Variants in NOLC1 observed in about 807,000 individuals in gnomAD.
NOLC1 encodes the protein 140 kDa nucleolar phosphoprotein.
NOLC1 carries 37 observed loss-of-function variants against 73.4 expected under a neutral mutation model. That is an observed-to-expected ratio of 0.50 (90% CI 0.39 to 0.66). NOLC1 has a LOEUF of 0.66. Among genes scored for constraint, NOLC1 ranks in the 30% least tolerant of loss-of-function variants. The pLI is 0.00. For missense variants in NOLC1, 921 were observed against 838.9 expected (o/e 1.10, Z -1.21); for synonymous variants, 327 against 302.6 (o/e 1.08, Z -0.84).
At chr10:102,154,135 G>A (rs369444696) in intron 1 of NOLC1, among the ~76,000 whole-genome samples, 13 of 145,826 alleles carry the variant, frequency 8.9e-5, no homozygotes, top group Non-Finnish European at 1.5e-4. Flanking sequence ...GCAGTGGCAC[G>A]ATCTCAGCTC....
At chr10:102,157,652 A>G in intron 4 of NOLC1, 97 bp downstream of exon 4, 2 of 1,355,036 alleles carry the variant, frequency 1.5e-6, no homozygotes, top group Non-Finnish European at 2.0e-6. Context: ...GATGGCGGCA[A>G]TACAATAGGT....
intron 1 of NOLC1, among the ~76,000 whole-genome samples, 185 bp downstream of exon 1, chr10:102,152,715 T>C (rs2069526783): frequency 6.6e-6 from 1 of 152,220 alleles, no homozygotes; most frequent in Non-Finnish European, 1.5e-5. Context: ...CCTTCCTCCA[T>C]GTCTGAGTAG....
chr10:102,162,098 C>T lies in NOLC1; in HGVS notation c.1942-13C>T, dbSNP rs1179141655. 4 of 1,613,018 alleles carry T rather than the reference C, an allele frequency of 2.5e-6. No individual in the cohort carries two copies. Among genetic ancestry groups the T allele is most frequent in the East Asian group, 2.2e-5 (1 of 44,888 alleles). ...GGTCCTCCTCTGTGTTAATCTCCCT[C>T]TCTACTTACCAGCGAGGTGCAGCCG... On this transcript the variant is annotated splice_polypyrimidine_tract_variant and intron_variant, in intron 12 of 12. Transcript: ENST00000605788.
At chr10:102,155,517 ATT>A (rs147766613) in intron 1 of NOLC1, among the ~76,000 whole-genome samples, 4 of 133,952 alleles carry the variant, frequency 3.0e-5, no homozygotes, top group Admixed American at 7.4e-5. Context: ...GCCTGAATGC[ATT>A]TTTTTTTTTT....
rs754632437 is a variant in NOLC1 at position 102,161,634 on chromosome 10, C to T, written c.1820C>T (p.Thr607Ile). ...TPQAKKIKLQ[T>I]PNTFPKRKKG... Reference sequence around the variant, plus strand: ...CAGGCCAAGAAGATAAAGCTTCAGACCCCTAACACATTTCCAAAAAGGAAG... The same window carrying T: ...CAGGCCAAGAAGATAAAGCTTCAGATCCCTAACACATTTCCAAAAAGGAAG... The change falls in exon 11 of 13, where the codon ACC becomes ATC. Residue 607 changes from threonine to isoleucine, a missense_variant. Physicochemically the swap from Thr to Ile is moderately conservative, Grantham distance 89. Coordinates refer to ENST00000605788, the MANE Select transcript of NOLC1 (RefSeq NM_004741.5). 1 of 1,613,882 alleles carries T rather than the reference C, an allele frequency of 6.2e-7. No individual in the cohort carries two copies. The highest frequency in any genetic ancestry group is 1.7e-5 in the Admixed American group (1 of 60,000).
intron 10 of NOLC1, 119 bp from the exon 11 acceptor site, chr10:102,161,437 G>T (rs1332054891): frequency 5.5e-6 from 4 of 725,452 alleles, no homozygotes; most frequent in Middle Eastern, 3.8e-4. Flanking sequence ...TCACTATATT[G>T]CCCAGGCTGA....
chr10:102,158,243 C>A, intron 5 of NOLC1, 29 bp downstream of exon 5: 2 of 1,608,172 alleles, frequency 1.2e-6, no homozygotes, highest in South Asian at 2.2e-5. Flanking sequence ...AGAGGCTGGG[C>A]TGGGGACCAG....
At position 102,159,065 on chromosome 10, in the gene NOLC1, C is replaced by CAAA. The variant is rs35183508; in HGVS notation, c.608-101_608-99dup. On this transcript the variant is annotated intron_variant, in intron 5 of 12. Coordinates refer to ENST00000605788, the MANE Select transcript of NOLC1 (RefSeq NM_004741.5). ...CAGAGCCAGAGCCAGACTCCGTCTCCAAAAAAAAAAAAAAAAAAAAAAAAA... is the reference window on the plus strand; with the variant it reads ...CAGAGCCAGAGCCAGACTCCGTCTCCAAAAAAAAAAAAAAAAAAAAAAAAAAAA... 877 of 357,478 alleles carry CAAA rather than the reference C, an allele frequency of 2.5e-3. 9 individuals are homozygous for CAAA. Among genetic ancestry groups the CAAA allele is most frequent in the East Asian group, 5.5e-3 (117 of 21,374 alleles). 22.1% of individuals were successfully genotyped at this position (357,478 alleles called of 1,614,324 possible).
chr10:102,158,005 C>A, intron 4 of NOLC1, 44 bp from the exon 5 acceptor site: 1 of 1,585,566 alleles, frequency 6.3e-7, no homozygotes. Context: ...CTTTGGGTAC[C>A]CGGAAGCTTT....
At position 102,161,565 on chromosome 10, in the gene NOLC1, A is replaced by G. The variant is rs1216688481; in HGVS notation, c.1751A>G (p.Lys584Arg). ...GCTTTTTGTTTTGTAGGTTCATTAA[A>G]GAAGCGGAAGCAGAATGAGGCTGCC... ...AVVVSKSGSLKKRKQNEAAKE... is the reference protein window; with the variant it reads ...AVVVSKSGSLRKRKQNEAAKE... Residue 584 changes from lysine (K) to arginine (R), a missense_variant, in exon 11 of 13, where the codon AAG becomes AGG. Coordinates refer to ENST00000605788, the MANE Select transcript of NOLC1 (RefSeq NM_004741.5). 1.2e-6 allele frequency: 2 copies of G among 1,613,536 alleles called. No individual in the cohort carries two copies. The highest frequency in any genetic ancestry group is 1.7e-6 in the Non-Finnish European group (2 of 1,179,650).
rs1048715005 is a variant in NOLC1 at position 102,159,760 on chromosome 10, T to C, written c.860-136T>C. The C allele has an allele frequency of 1.3e-5, 14 of 1,069,174 alleles. No homozygotes were observed. The African/African-American group carries it at 2.2e-4, about 17-fold the overall frequency. 66.2% of individuals were successfully genotyped at this position (1,069,174 alleles called of 1,614,324 possible). A position where few individuals can be genotyped will look rare whatever the true frequency, so the allele number is the denominator to read the frequency against. On this transcript the variant is annotated intron_variant, in intron 7 of 12. Coordinates refer to ENST00000605788, the MANE Select transcript of NOLC1 (RefSeq NM_004741.5). Reference sequence around the variant, plus strand: ...TAACCTAGACTCAGAGGTGACACCATGTTCTGTTAGAACTGAGTCATTGAT... The same window carrying C: ...TAACCTAGACTCAGAGGTGACACCACGTTCTGTTAGAACTGAGTCATTGAT...
Position 102,159,526 on chromosome 10 carries a change from G to A in NOLC1, c.817G>A (p.Asp273Asn), listed in dbSNP as rs777400242. The change falls in exon 7 of 13, where the codon GAC (aspartate) becomes AAC (asparagine). Residue 273 changes from aspartate to asparagine, a missense_variant. Transcript: ENST00000605788. Reference protein sequence around the residue: ...KSSSSEDSSSDEEEEQKKPMK... With the variant: ...KSSSSEDSSSNEEEEQKKPMK... ...TTCTAGCAGTGAGGATTCCTCCAGTGACGAGGAAGAGGAGCAAAAAAAACC... is the reference window on the plus strand; with the variant it reads ...TTCTAGCAGTGAGGATTCCTCCAGTAACGAGGAAGAGGAGCAAAAAAAACC... 1.2e-6 allele frequency: 2 copies of A among 1,614,184 alleles called. No homozygotes were observed. Among genetic ancestry groups the A allele is most frequent in the Non-Finnish European group, 8.5e-7 (1 of 1,180,038 alleles).
In NOLC1 at chr10:102,159,374, C is replaced by G. The variant is rs566757765; in HGVS notation, c.724-59C>G. On this transcript the variant is annotated intron_variant, in intron 6 of 12. Transcript: ENST00000605788. ...TGTGATGTGTGTGTGTCTTCCTTCC[C>G]TGGCAGGATTGGTTGGGTCAGCATT... is the stretch of plus-strand genomic sequence containing the variant. The G allele has an allele frequency of 9.3e-6, 15 of 1,613,440 alleles. No individual in the cohort carries two copies. The African/African-American group carries it at 2.0e-4, about 22-fold the overall frequency.
chr10:102,159,242 TAGCAGC>T lies in NOLC1; in HGVS notation c.669_674del (p.Ser226_Ser227del), dbSNP rs769073948. On this transcript the variant is annotated inframe_deletion, in exon 6 of 13. Coordinates refer to ENST00000605788, the MANE Select transcript of NOLC1 (RefSeq NM_004741.5). Reference sequence around the variant, plus strand: ...ATGGTAAAGCAGCCAGTAGCAGCAGTAGCAGCAGCAGCAGCAGTAGCAGTGATGACT... The same window carrying T: ...ATGGTAAAGCAGCCAGTAGCAGCAGTAGCAGCAGCAGTAGCAGTGATGACT... The T allele has an allele frequency of 1.1e-4, 183 of 1,612,878 alleles. No individual in the cohort carries two copies. Among genetic ancestry groups the T allele is most frequent in the Non-Finnish European group, 1.4e-4 (167 of 1,179,256 alleles).
rs747000641 is a variant in NOLC1 at position 102,157,059 on chromosome 10, A to G, written c.161A>G (p.Tyr54Cys). ...DANASSLLDI[Y>C]SFWLKSAKVP... ...AATGCCTCTTCCCTCTTAGACATCT[A>G]TAGCTTCTGGCTCAAGTAAGCCTTT... The change falls in exon 2 of 13, where the codon TAT becomes TGT. Residue 54 changes from tyrosine to cysteine, a missense_variant. Coordinates refer to ENST00000605788, the MANE Select transcript of NOLC1 (RefSeq NM_004741.5). 2 of 1,614,170 alleles carry G rather than the reference A, an allele frequency of 1.2e-6. No individual in the cohort carries two copies. The highest frequency in any genetic ancestry group is 1.3e-5 in the African/African-American group (1 of 75,026).
rs762248106 is a variant in NOLC1 at position 102,157,249 on chromosome 10, G to C, written c.237G>C (p.Lys79Asn). The C allele has an allele frequency of 6.2e-7, 1 of 1,614,212 alleles. No homozygotes were observed. The highest frequency in any genetic ancestry group is 8.5e-7 in the Non-Finnish European group (1 of 1,180,034). Residue 79 changes from lysine (K) to asparagine (N), a missense_variant, in exon 3 of 13, where the codon AAG (lysine) becomes AAC (asparagine). Physicochemically the swap from Lys to Asn is moderately conservative, Grantham distance 94. Transcript: ENST00000605788. ...QANGPVAKKA[K>N]KKASSSDSED... ...ATGGACCAGTGGCTAAGAAAGCTAAGAAGAAGGCCTCATCCAGTGACAGTG... is the reference window on the plus strand; with the variant it reads ...ATGGACCAGTGGCTAAGAAAGCTAACAAGAAGGCCTCATCCAGTGACAGTG...
chr10:102,160,472 G>A lies in NOLC1; in HGVS notation c.1120G>A (p.Asp374Asn), dbSNP rs1224644805. ...TCTAGACTCTGACAGCTCTGAGGAT[G>A]ATGAAGCTCCTTCTAAGCCAGCTGG... ...DSSDSDSSED[D>N]EAPSKPAGTT... Residue 374 changes from aspartate (D) to asparagine (N), a missense_variant, in exon 10 of 13, where the codon GAT (aspartate) becomes AAT (asparagine). Asp to Asn is a conservative substitution (Grantham distance 23). Transcript: ENST00000605788. 2 of 1,613,832 alleles carry A rather than the reference G, an allele frequency of 1.2e-6. No individual in the cohort carries two copies. The highest frequency in any genetic ancestry group is 3.3e-5 in the Admixed American group (2 of 59,964).
At position 102,159,994 on chromosome 10, in the gene NOLC1, G is replaced by C; in HGVS notation, c.958G>C (p.Glu320Gln). Residue 320 changes from glutamate to glutamine, a missense_variant, in exon 8 of 13, where the codon GAA becomes CAA. Coordinates refer to ENST00000605788, the MANE Select transcript of NOLC1 (RefSeq NM_004741.5). Reference sequence around the variant, plus strand: ...GGCTGTGGAGAAGCAGCAGCCTGTGGAAAGCAGTGAAGACAGCAGTGATGA... The same window carrying C: ...GGCTGTGGAGAAGCAGCAGCCTGTGCAAAGCAGTGAAGACAGCAGTGATGA... ...KKAVEKQQPVESSEDSSDESD... is the reference protein window; with the variant it reads ...KKAVEKQQPVQSSEDSSDESD... 6 of 1,612,788 alleles carry C rather than the reference G, an allele frequency of 3.7e-6. No individual in the cohort carries two copies. The highest frequency in any genetic ancestry group is 5.1e-6 in the Non-Finnish European group (6 of 1,179,360).
chr10:102,162,329 G>A lies in NOLC1; in HGVS notation c.*60G>A. The stretch of plus-strand genomic sequence containing the variant: ...TCGGAGACTACTTACTTTCTCCAGT[G>A]GACCTGGGAACCCTCAGGTCTCTAG... On this transcript the variant is annotated 3_prime_UTR_variant, in exon 13 of 13. Transcript: ENST00000605788. The A allele has an allele frequency of 1.9e-6, 3 of 1,574,148 alleles. No homozygotes were observed. The highest frequency in any genetic ancestry group is 3.4e-4 in the Middle Eastern group (2 of 5,904).
Sources: gnomAD v4.1 joint callset for allele counts (sites outside exome capture counted in the v4.1 genomes callset) on GRCh38, gnomAD v4.1.1 for gene constraint, MANE v1.5 for transcripts, NCBI Gene and HGNC (gene_info 2026-07-23, HGNC 2026-07-21) for gene names.